Variants in CD8B observed in about 807,000 individuals in gnomAD.
The protein encoded by CD8B is CD8 subunit beta, also known as T-cell surface glycoprotein CD8 beta chain.
Under a neutral mutation model 24.2 loss-of-function variants are expected in CD8B, and 6 were observed. The observed-to-expected ratio is 0.25, with a 90% CI of 0.14 to 0.49. The LOEUF is 0.49. Among genes scored for constraint, CD8B ranks in the 20% least tolerant of loss-of-function variants. The probability of loss-of-function intolerance (pLI) is 0.98; values close to 1 mark genes in which losing one functional copy is unlikely to be tolerated. For missense variants in CD8B, 196 were observed against 271.3 expected, an observed-to-expected ratio of 0.72 and a Z score of 1.95; for synonymous variants, 84 against 108.3, an observed-to-expected ratio of 0.78 and a Z score of 1.39.
downstream of CD8B, among the ~76,000 whole-genome samples, chr2:86,837,696 A>C (rs1266024220): frequency 2.3e-5 from 3 of 132,556 alleles, no homozygotes; most frequent in African/African-American, 8.4e-5. Context: ...GGGGATGAGT[A>C]AGGATGAAAG....
chr2:86,821,610 T>G, intron 5 of CD8B: 1 of 266,122 alleles, frequency 3.8e-6, no homozygotes. Context: ...CACCCAGAGT[T>G]GACTGAAGAC....
chr2:86,825,189 G>A (rs773755423), intron 5 of CD8B, among the ~76,000 whole-genome samples: 18 of 152,106 alleles, frequency 1.2e-4, no homozygotes, highest in African/African-American at 3.6e-4. Flanking sequence ...CTTGGGTGTC[G>A]GTGTGGGGGG....
intron 1 of CD8B, among the ~76,000 whole-genome samples, chr2:86,861,027 G>A (rs575825094): frequency 2.8e-4 from 42 of 152,300 alleles, no homozygotes; most frequent in South Asian, 6.2e-4. Flanking sequence ...TGCTCTGAAC[G>A]GCCTGGGCTG....
intron 3 of CD8B, among the ~76,000 whole-genome samples, chr2:86,848,160 C>T (rs181617280): frequency 8.3e-4 from 127 of 152,332 alleles, no homozygotes; most frequent in Non-Finnish European, 1.6e-3. Flanking sequence ...TACTAAACCA[C>T]AGACTTTGCC....
At chr2:86,850,192 A>C (rs777141415) in intron 3 of CD8B, among the ~76,000 whole-genome samples, 5 of 152,174 alleles carry the variant, frequency 3.3e-5, no homozygotes, top group Admixed American at 6.5e-5. Context: ...TGCTGCTGCA[A>C]ATAACGTGCT....
chr2:86,849,790 G>T (rs551749923), intron 3 of CD8B, among the ~76,000 whole-genome samples: 1 of 142,598 alleles, frequency 7.0e-6, no homozygotes, highest in Non-Finnish European at 1.5e-5. Flanking sequence ...CACAACCTCC[G>T]CCTCCTGGGT....
intron 5 of CD8B, chr2:86,844,563 A>G: frequency 1.6e-6 from 2 of 1,276,158 alleles, no homozygotes; most frequent in Non-Finnish European, 2.1e-6. Flanking sequence ...CTTGAAATAC[A>G]TTTAACTTAC....
At chr2:86,816,503 A>AT (rs1399178051) in intron 5 of CD8B, among the ~76,000 whole-genome samples, 1 of 152,212 alleles carries the variant, frequency 6.6e-6, no homozygotes, top group African/African-American at 2.4e-5. Flanking sequence ...GGGACCCATT[A>AT]TTCCACATAT....
At chr2:86,854,504 G>A (rs1676136242) in intron 2 of CD8B, among the ~76,000 whole-genome samples, 1 of 152,194 alleles carries the variant, frequency 6.6e-6, no homozygotes, top group Non-Finnish European at 1.5e-5. Context: ...CCCAAGTGGT[G>A]AGTGCTGTGT....
intron 3 of CD8B, among the ~76,000 whole-genome samples, chr2:86,849,703 GTT>G (rs551385750): frequency 1.5e-4 from 19 of 127,382 alleles, no homozygotes; most frequent in Admixed American, 2.4e-4. Flanking sequence ...CAACTAAGGT[GTT>G]TTTTTTTTTT....
rs1216196674 is a variant in CD8B, at chr2:86,842,106, C to A, written c.*201G>T. The A allele has an allele frequency of 1.0e-5, 14 of 1,381,344 alleles. No homozygotes were observed. Among genetic ancestry groups the A allele is most frequent in the Non-Finnish European group, 1.3e-5 (14 of 1,063,216 alleles). The allele number at this position is 1,381,344 out of a possible 1,614,324, so 85.6% of individuals were successfully genotyped here. On this transcript the variant is annotated 3_prime_UTR_variant, in exon 6 of 6. Coordinates refer to ENST00000390655, the MANE Select transcript of CD8B (RefSeq NM_004931.5). Reference sequence around the variant, plus strand: ...GCCCTGGGGGCAATGAAACCTTCTCCCTAGTATTCCCGATGACCCACGAAC... The same window carrying A: ...GCCCTGGGGGCAATGAAACCTTCTCACTAGTATTCCCGATGACCCACGAAC...
At chr2:86,817,374 T>A (rs1047413998) in intron 5 of CD8B, among the ~76,000 whole-genome samples, 1 of 152,126 alleles carries the variant, frequency 6.6e-6, no homozygotes, top group Admixed American at 6.6e-5. Context: ...ATTGGAAAAT[T>A]GTAATAATAA....
At chr2:86,835,570 G>T (rs1675144705), downstream of CD8B, among the ~76,000 whole-genome samples, 1 of 151,582 alleles carries the variant, frequency 6.6e-6, no homozygotes, top group South Asian at 2.1e-4. Context: ...GTCTGGTCTT[G>T]CCCAGACAGC....
chr2:86,831,638 G>C (rs1185095838), intron 5 of CD8B, among the ~76,000 whole-genome samples: 2 of 152,116 alleles, frequency 1.3e-5, no homozygotes, highest in Non-Finnish European at 2.9e-5. Context: ...CCACAGATGG[G>C]GAAAATGAGA....
chr2:86,855,672 C>G (rs201758607), intron 2 of CD8B, among the ~76,000 whole-genome samples: 3 of 152,168 alleles, frequency 2.0e-5, no homozygotes, highest in East Asian at 1.9e-4. Context: ...GGTCGGAGAG[C>G]GTGCAACGAG....
rs1363036924 is a variant in CD8B at position 86,858,154 on chromosome 2, A to G, written c.306T>C (p.Asn102=). The change falls in exon 2 of 6, where the codon AAT becomes AAC. Residue 102 remains asparagine, a synonymous_variant. Transcript: ENST00000390655. ...VFRDASRFIL[N]LTSVKPEDSG... is the part of the protein sequence containing the mutation. ...TGTCTTCCGGCTTCACGCTTGTGAG[A>G]TTGAGAATGAACCGGCTTGCATCCC... 6.2e-7 allele frequency: 1 copy of G among 1,613,866 alleles called. No homozygotes were observed. The highest frequency in any genetic ancestry group is 8.5e-7 in the Non-Finnish European group (1 of 1,179,870).
Position 86,839,164 on chromosome 2 carries a change from A to G in CD8B, c.*3143T>C, listed in dbSNP as rs1367800189. ...CCATATATTGTATTAAGAATAATCT[A>G]TACAGATGTTTTAAAAATATATGCA... On this transcript the variant is annotated 3_prime_UTR_variant, in exon 6 of 6. Coordinates refer to ENST00000390655, the MANE Select transcript of CD8B (RefSeq NM_004931.5). Among the ~76,000 whole-genome samples, 1 of 152,234 alleles carries G rather than the reference A, an allele frequency of 6.6e-6. No homozygotes were observed. The highest frequency in any genetic ancestry group is 1.5e-5 in the Non-Finnish European group (1 of 68,052).
intron 1 of CD8B, among the ~76,000 whole-genome samples, chr2:86,859,233 TG>T (rs1471415836): frequency 6.6e-6 from 1 of 151,420 alleles, no homozygotes; most frequent in Non-Finnish European, 1.5e-5. Flanking sequence ...GCCCAGCAAC[TG>T]ATGGGTCACT....
At chr2:86,833,051 CT>C in intron 5 of CD8B, 1 of 407,628 alleles carries the variant, frequency 2.5e-6, no homozygotes, top group Non-Finnish European at 4.9e-6. Flanking sequence ...CTGCAGCCTC[CT>C]CACAGGGTCA....
Sources: gnomAD v4.1 joint callset for allele counts (sites outside exome capture counted in the v4.1 genomes callset) on GRCh38, gnomAD v4.1.1 for gene constraint, MANE v1.5 for transcripts, NCBI Gene and HGNC (gene_info 2026-07-23, HGNC 2026-07-21) for gene names.